Variants in CUX1 observed in about 807,000 individuals in gnomAD.
CUX1 encodes protein CASP.
A neutral mutation model predicts 158.8 loss-of-function variants in CUX1; 31 were observed. The observed-to-expected ratio is 0.20, with a 90% confidence interval of 0.15 to 0.26. CUX1 has a LOEUF of 0.26. Ranked by LOEUF, CUX1 falls within the 10% of genes least tolerant of loss-of-function variation. The probability of loss-of-function intolerance (pLI) is 1.00; values close to 1 mark genes in which losing one functional copy is unlikely to be tolerated. For synonymous variants in CUX1, 879 were observed against 862.1 expected (o/e 1.02, Z -0.34); for missense variants, 1,589 against 2,014.6 (o/e 0.79, Z 4.04).
chr7:101,816,150 G>C (rs1252941902), upstream of CUX1: 15 of 1,044,150 alleles, frequency 1.4e-5, no homozygotes, highest in Non-Finnish European at 1.8e-5. Flanking sequence ...GGGCGGTCGC[G>C]GCCTCCGCCG....
chr7:101,992,407 T>C (rs1815265033), intron 2 of CUX1, among the ~76,000 whole-genome samples: 1 of 152,174 alleles, frequency 6.6e-6, no homozygotes, highest in Non-Finnish European at 1.5e-5. Context: ...TCTGTTTCTT[T>C]TTTGATTGGG....
At position 101,975,993 on chromosome 7, in the gene CUX1, G is replaced by A. The variant is rs189261505; in HGVS notation, c.142-52105G>A. 6.6e-5 allele frequency among the ~76,000 whole-genome samples: 10 copies of A among 152,226 alleles called. No homozygotes were observed. The East Asian group carries it at 9.7e-4, about 15-fold the overall frequency. The stretch of plus-strand genomic sequence containing the variant: ...CCGTCTCTACTAAAATTAGCCAGGC[G>A]TTGTGATGGATGCCTGTAATCCCAG... On this transcript the variant is annotated intron_variant, in intron 2 of 23. Transcript: ENST00000292535.
At chr7:102,173,311 C>T (rs1189642021) in intron 10 of CUX1, among the ~76,000 whole-genome samples, 3 of 152,088 alleles carry the variant, frequency 2.0e-5, no homozygotes, top group Admixed American at 1.3e-4. Flanking sequence ...GCAGTGAGAT[C>T]GTGCCATTGC....
At chr7:102,269,492 G>A (rs1195807358) in intron 14 of CUX1, among the ~76,000 whole-genome samples, 5 of 149,734 alleles carry the variant, frequency 3.3e-5, no homozygotes, top group African/African-American at 4.9e-5. Flanking sequence ...TGTAACCTCC[G>A]CCTCCCAGGT....
chr7:102,280,679 C>T, intron 19 of CUX1: 2 of 887,780 alleles, frequency 2.3e-6, no homozygotes. Flanking sequence ...ACCCTGGCAG[C>T]CCCCTGGGGG....
intron 3 of CUX1, among the ~76,000 whole-genome samples, chr7:102,057,122 C>G (rs1294544986): frequency 6.9e-6 from 1 of 145,304 alleles, no homozygotes. Context: ...AGGATGGTCT[C>G]GATCTCCTGA....
intron 1 of CUX1, among the ~76,000 whole-genome samples, chr7:101,862,762 G>T (rs1363608214): frequency 6.6e-6 from 1 of 151,052 alleles, no homozygotes; most frequent in Non-Finnish European, 1.5e-5. Flanking sequence ...GTAAGTCCCC[G>T]GTGTGTGTGT....
intron 2 of CUX1, among the ~76,000 whole-genome samples, chr7:101,975,390 G>T (rs1812533090): frequency 6.6e-6 from 1 of 151,622 alleles, no homozygotes; most frequent in Admixed American, 6.6e-5. Flanking sequence ...TACAAAAAAT[G>T]AATTTTTTTT....
At chr7:102,075,063 T>A (rs1050604014) in intron 4 of CUX1, among the ~76,000 whole-genome samples, 3 of 152,104 alleles carry the variant, frequency 2.0e-5, no homozygotes, top group African/African-American at 7.2e-5. Flanking sequence ...TTCACCATGT[T>A]GGCCGGGCTG....
At chr7:102,228,341 T>G (rs947866306) in intron 21 of CUX1, among the ~76,000 whole-genome samples, 1 of 152,046 alleles carries the variant, frequency 6.6e-6, no homozygotes, top group African/African-American at 2.4e-5. Flanking sequence ...CTGGGCCACA[T>G]AGCAAGACCC....
chr7:102,129,148 C>T (rs1334321076), intron 8 of CUX1, among the ~76,000 whole-genome samples: 1 of 152,170 alleles, frequency 6.6e-6, no homozygotes, highest in Non-Finnish European at 1.5e-5. Flanking sequence ...AGAATTATGT[C>T]GCTTTCCATG....
rs1296290757 is a variant in CUX1, at chr7:102,216,499, C to CGT, written c.3131-10866_3131-10865dup. ...AATTGAACCCTTGAGAAAAAGAGGG[C>CGT]GTGCGTGTGTGCGCGCACACACACA... On this transcript the variant is annotated intron_variant, in intron 20 of 23. Transcript: ENST00000292535. Among the ~76,000 whole-genome samples, 425 of 145,062 alleles carry CGT rather than the reference C, an allele frequency of 2.9e-3. 10 individuals carry two copies. The highest frequency in any genetic ancestry group is 0.01 in the African/African-American group (396 of 38,896).
chr7:101,975,439 C>T (rs139326689), intron 2 of CUX1, among the ~76,000 whole-genome samples: 2,004 of 151,776 alleles, frequency 0.013, 53 homozygotes, highest in African/African-American at 0.046. Flanking sequence ...TGCTTGTAGT[C>T]CCAGCTACTC....
At chr7:101,838,890 A>T (rs536339816) in intron 1 of CUX1, among the ~76,000 whole-genome samples, 2 of 152,156 alleles carry the variant, frequency 1.3e-5, no homozygotes, top group African/African-American at 4.8e-5. Context: ...GTGGCTTCAC[A>T]TATTTACACA....
At chr7:101,962,661 A>G (rs1177036650) in intron 2 of CUX1, among the ~76,000 whole-genome samples, 1 of 152,020 alleles carries the variant, frequency 6.6e-6, no homozygotes, top group Admixed American at 6.6e-5. Context: ...AGAATCCTCA[A>G]CTCCTCCCAT....
At chr7:101,846,557 G>GGCCTCAGCGATTCTCCC (rs1795709461) in intron 1 of CUX1, among the ~76,000 whole-genome samples, 1 of 152,010 alleles carries the variant, frequency 6.6e-6, no homozygotes, top group South Asian at 2.1e-4. Flanking sequence ...TGAACTCTTT[G>GGCCTCAGCGATTCTCCC]GCCTCAGCGA....
At chr7:102,092,965 C>G (rs1193201399) in intron 4 of CUX1, among the ~76,000 whole-genome samples, 2 of 150,526 alleles carry the variant, frequency 1.3e-5, no homozygotes, top group Non-Finnish European at 3.0e-5. Flanking sequence ...AGCTCCTTTT[C>G]CCGGTTTCTC....
At chr7:102,025,789 A>G (rs1325758894) in intron 2 of CUX1, among the ~76,000 whole-genome samples, 1 of 152,208 alleles carries the variant, frequency 6.6e-6, no homozygotes, top group Non-Finnish European at 1.5e-5. Context: ...AACAGTATAT[A>G]GTTAAAAGGG....
chr7:101,913,301 A>T, intron 1 of CUX1: 1 of 1,163,594 alleles, frequency 8.6e-7, no homozygotes, highest in Non-Finnish European at 1.1e-6. Context: ...TTAAATTTGG[A>T]GACCCCCGTG....
Sources: allele counts gnomAD v4.1 joint callset (sites outside exome capture counted in the v4.1 genomes callset), GRCh38; gene constraint gnomAD v4.1.1; transcripts MANE v1.5; gene names NCBI Gene and HGNC (gene_info 2026-07-23, HGNC 2026-07-21).